Variants in CHD3 observed in about 807,000 individuals in gnomAD.
CHD3 encodes the protein ATP-dependent chromatin remodeler CHD3.
In CHD3, 52 loss-of-function variants were observed where a neutral mutation model predicts 248.9. The observed-to-expected ratio is 0.21, with a 90% CI of 0.17 to 0.26. The LOEUF (loss-of-function observed/expected upper bound fraction) is 0.26. Among genes scored for constraint, CHD3 ranks in the 10% least tolerant of loss-of-function variants. The probability of loss-of-function intolerance (pLI) is 1.00; values close to 1 mark genes in which losing one functional copy is unlikely to be tolerated. For synonymous variants in CHD3, 985 were observed against 985.2 expected (o/e 1.00, Z 0.00); for missense variants, 1,482 against 2,605.8 (o/e 0.57, Z 9.39).
Position 7,908,175 on chromosome 17 carries a change from C to T in CHD3, c.5152+156C>T, listed in dbSNP as rs941497290. On this transcript the variant is annotated intron_variant, in intron 34 of 39. Transcript: ENST00000330494. This position sits in a 1 kb window ranked among gnomAD's most constrained non-coding sequence, Gnocchi z 5.8. The stretch of plus-strand genomic sequence containing the variant: ...ACTCCGATCCTTGCTCTAAATCTTT[C>T]TTAAGTATCCCTCTTAACTCCAAAG... Among the ~76,000 whole-genome samples, 1 of 152,168 alleles carries T rather than the reference C, an allele frequency of 6.6e-6. No homozygotes were observed. The highest frequency in any genetic ancestry group is 6.5e-5 in the Admixed American group (1 of 15,280).
At position 7,900,606 on chromosome 17, in the gene CHD3, C is replaced by T. The variant is rs1292189687; in HGVS notation, c.2853C>T (p.Asp951=). The change falls in exon 18 of 40, where the codon GAC becomes GAT. Residue 951 remains aspartate, a synonymous_variant. Coordinates refer to ENST00000330494, the MANE Select transcript of CHD3 (RefSeq NM_001005273.3). This position sits in a 1 kb window ranked among gnomAD's most constrained non-coding sequence, Gnocchi z 6.5. Reference sequence around the variant, plus strand: ...AGTTTGCTGACATATCCAAAGAGGACCAGATCAAGAAACTGCATGATTTGC... The same window carrying T: ...AGTTTGCTGACATATCCAAAGAGGATCAGATCAAGAAACTGCATGATTTGC... The part of the protein sequence containing the change: ...LEEFADISKE[D]QIKKLHDLLG... 6.2e-7 allele frequency: 1 copy of T among 1,614,090 alleles called. No homozygotes were observed. The highest frequency in any genetic ancestry group is 2.2e-5 in the East Asian group (1 of 44,878).
Position 7,899,441 on chromosome 17 carries a change from G to A in CHD3, c.2442G>A (p.Val814=). Residue 814 remains valine (V), a synonymous_variant, in exon 15 of 40, where the codon GTG becomes GTA. Transcript: ENST00000330494. This position sits in a 1 kb window ranked among gnomAD's most constrained non-coding sequence, Gnocchi z 6.8. ...TGTGGGCACCCAAATTCTATGTGGT[G>A]ACATACACGGGTGACAAGGACAGCC... ...FQMWAPKFYV[V]TYTGDKDSRA... is the part of the protein sequence containing the mutation. 6.2e-7 allele frequency: 1 copy of A among 1,614,148 alleles called. No individual in the cohort carries two copies. Among genetic ancestry groups the A allele is most frequent in the Non-Finnish European group, 8.5e-7 (1 of 1,180,022 alleles).
Position 7,897,133 on chromosome 17 carries a change from C to T in CHD3, c.1758C>T (p.Asp586=). ...VMYRNYQRKN[D]MDEPPPLDYG... ...ATCGAAACTACCAGCGGAAGAATGA[C>T]ATGGATGAGCCCCCACCCCTGGACT... The change falls in exon 11 of 40, where the codon GAC becomes GAT. Residue 586 remains aspartate (D), a synonymous_variant. Coordinates refer to ENST00000330494, the MANE Select transcript of CHD3 (RefSeq NM_001005273.3). This position sits in a 1 kb window ranked among gnomAD's most constrained non-coding sequence, Gnocchi z 4.8. 1 of 1,614,150 alleles carries T rather than the reference C, an allele frequency of 6.2e-7. No individual in the cohort carries two copies. Among genetic ancestry groups the T allele is most frequent in the Non-Finnish European group, 8.5e-7 (1 of 1,180,012 alleles).
chr17:7,896,227 C>CAAAAAA (rs750972677), intron 10 of CHD3, among the ~76,000 whole-genome samples: 2 of 57,922 alleles, frequency 3.5e-5, no homozygotes, highest in African/African-American at 6.3e-5. Context: ...CACTCTATCT[C>CAAAAAA]AAAAAAAAAA....
At position 7,910,520 on chromosome 17, in the gene CHD3, C is replaced by T; in HGVS notation, c.5683C>T (p.Arg1895Cys). 1.9e-6 allele frequency: 3 copies of T among 1,613,886 alleles called. No homozygotes were observed. The highest frequency in any genetic ancestry group is 2.5e-6 in the Non-Finnish European group (3 of 1,180,040). ...TLSRIPPIAA[R>C]LQMSERSILS... The stretch of plus-strand genomic sequence containing the variant: ...GTCCCGAATACCCCCCATCGCAGCC[C>T]GCCTTCAGATGTCCGAGCGCAGCAT... Residue 1895 changes from arginine to cysteine, a missense_variant, in exon 38 of 40, where the codon CGC (arginine) becomes TGC (cysteine). Around this residue, in one of 20 missense-constraint regions of CHD3, gnomAD observed 83 missense variants for 181.0 expected, o/e 0.46. Coordinates refer to ENST00000330494, the MANE Select transcript of CHD3 (RefSeq NM_001005273.3). The surrounding 1 kb of genome is among the most constrained non-coding windows in gnomAD (Gnocchi z 4.7).
chr17:7,898,670 A>T (rs1969972765), intron 13 of CHD3, 75 bp downstream of exon 13: 1 of 1,108,948 alleles, frequency 9.0e-7, no homozygotes, highest in African/African-American at 1.6e-5. Flanking sequence ...TACTGATGGA[A>T]CTTCCCAGAG....
Position 7,903,635 on chromosome 17 carries a change from C to T in CHD3, c.3727+132C>T. 9.9e-7 allele frequency: 1 copy of T among 1,010,276 alleles called. No individual in the cohort carries two copies. The highest frequency in any genetic ancestry group is 2.7e-5 in the Admixed American group (1 of 37,120). 62.6% of individuals were successfully genotyped at this position (1,010,276 alleles called of 1,614,324 possible). A position where few individuals can be genotyped will look rare whatever the true frequency, so the allele number is the denominator to read the frequency against. ...GAAGGAGAGCCTTCTTTTAGTAGCCCTTGGAGGAAGGTTGGCCTCTTTCTT... is the reference window on the plus strand; with the variant it reads ...GAAGGAGAGCCTTCTTTTAGTAGCCTTTGGAGGAAGGTTGGCCTCTTTCTT... On this transcript the variant is annotated intron_variant, in intron 23 of 39. Transcript: ENST00000330494. The surrounding 1 kb of genome is among the most constrained non-coding windows in gnomAD (Gnocchi z 6.8).
chr17:7,894,308 C>G (rs745348749), intron 7 of CHD3, 43 bp downstream of exon 7: 1 of 1,597,346 alleles, frequency 6.3e-7, no homozygotes, highest in East Asian at 2.2e-5. Context: ...GTGGGCCGTC[C>G]TCTCATTCTT....
Position 7,899,270 on chromosome 17 carries a change from G to C in CHD3, c.2343+68G>C. On this transcript the variant is annotated intron_variant, in intron 14 of 39. Coordinates refer to ENST00000330494, the MANE Select transcript of CHD3 (RefSeq NM_001005273.3). This position sits in a 1 kb window ranked among gnomAD's most constrained non-coding sequence, Gnocchi z 6.8. The stretch of plus-strand genomic sequence containing the variant: ...GAAGTGGGGAGGGGGAAGATAAAGG[G>C]GTGTAGCTGGCAGAGGACTAGGGTA... 6.2e-7 allele frequency: 1 copy of C among 1,601,284 alleles called. No homozygotes were observed. The highest frequency in any genetic ancestry group is 8.6e-7 in the Non-Finnish European group (1 of 1,169,450).
chr17:7,889,737 G>T lies in CHD3; in HGVS notation c.174G>T (p.Lys58Asn), dbSNP rs977948154. Residue 58 changes from lysine (K) to asparagine (N), a missense_variant, in exon 2 of 40, where the codon AAG (lysine) becomes AAT (asparagine). By Grantham distance (94) the Lys-to-Asn change is moderately conservative (BLOSUM62 0). This residue lies in a region of CHD3 where 169 missense variants were observed against 168.1 expected (regional missense o/e 1.01). Transcript: ENST00000330494. The surrounding 1 kb of genome is among the most constrained non-coding windows in gnomAD (Gnocchi z 4.5). ...KKRKRGPKKQ[K>N]ENKPGKPRKR... ...GAAAACGAGGACCCAAGAAGCAGAA[G>T]GAGAACAAGCCAGGAAAACCCCGAA... The T allele has an allele frequency of 9.9e-6, 16 of 1,613,306 alleles. No homozygotes were observed. The highest frequency in any genetic ancestry group is 1.4e-5 in the Non-Finnish European group (16 of 1,179,524).
chr17:7,910,306 G>T lies in CHD3; in HGVS notation c.5591-122G>T. On this transcript the variant is annotated intron_variant, in intron 37 of 39. Coordinates refer to ENST00000330494, the MANE Select transcript of CHD3 (RefSeq NM_001005273.3). This position sits in a 1 kb window ranked among gnomAD's most constrained non-coding sequence, Gnocchi z 4.7. ...TGATCTCTGGTTCTTTGACATCTGT[G>T]TTCTCCTCTCTCGCTCTTTTTCTGC... 2 of 1,202,996 alleles carry T rather than the reference G, an allele frequency of 1.7e-6. No homozygotes were observed. The highest frequency in any genetic ancestry group is 1.5e-5 in the African/African-American group (1 of 66,816). The allele number at this position is 1,202,996 out of a possible 1,614,324, so 74.5% of individuals were successfully genotyped here.
chr17:7,903,136 C>G lies in CHD3; in HGVS notation c.3495+75C>G. 6.3e-7 allele frequency: 1 copy of G among 1,580,800 alleles called. No individual in the cohort carries two copies. The highest frequency in any genetic ancestry group is 8.6e-7 in the Non-Finnish European group (1 of 1,158,336). On this transcript the variant is annotated intron_variant, in intron 22 of 39. Transcript: ENST00000330494. The surrounding 1 kb of genome is among the most constrained non-coding windows in gnomAD (Gnocchi z 6.8). The stretch of plus-strand genomic sequence containing the variant: ...GGTTCATGGAGGAGGGTGTCATGTT[C>G]CGGGGTCAGAAATAAATCTCTTCTG...
In CHD3 at chr17:7,906,472, C is replaced by T. The variant is rs1487018397; in HGVS notation, c.4359-81C>T. The T allele has an allele frequency of 3.4e-6, 5 of 1,484,568 alleles. No individual in the cohort carries two copies. In the African/African-American group the frequency reaches 7.0e-5, roughly 21 times the overall value. 92.0% of individuals were successfully genotyped at this position (1,484,568 alleles called of 1,614,324 possible). ...GGGGATTTGGGGGTTTGGGGGTCCT[C>T]AGTCATCCTCGCGCCTCCCTCACTG... On this transcript the variant is annotated intron_variant, in intron 28 of 39. Transcript: ENST00000330494. The surrounding 1 kb of genome is among the most constrained non-coding windows in gnomAD (Gnocchi z 5.0).
rs1388400266 is a variant in CHD3, at chr17:7,910,295, T to C, written c.5591-133T>C. The C allele has an allele frequency of 9.1e-7, 1 of 1,095,780 alleles. No homozygotes were observed. The highest frequency in any genetic ancestry group is 1.4e-6 in the Non-Finnish European group (1 of 720,574). 67.9% of individuals were successfully genotyped at this position (1,095,780 alleles called of 1,614,324 possible). On this transcript the variant is annotated intron_variant, in intron 37 of 39. Transcript: ENST00000330494. The surrounding 1 kb of genome is among the most constrained non-coding windows in gnomAD (Gnocchi z 4.7). ...TTTTACTTTCTTGATCTCTGGTTCTTTGACATCTGTGTTCTCCTCTCTCGC... is the reference window on the plus strand; with the variant it reads ...TTTTACTTTCTTGATCTCTGGTTCTCTGACATCTGTGTTCTCCTCTCTCGC...
chr17:7,908,482 G>T lies in CHD3; in HGVS notation c.5233G>T (p.Asp1745Tyr). The T allele has an allele frequency of 6.2e-7, 1 of 1,613,768 alleles. No individual in the cohort carries two copies. The highest frequency in any genetic ancestry group is 1.1e-5 in the South Asian group (1 of 91,038). ...CAATGAGATCTGGCACAGAAGACAT[G>T]ACTATTGGCTTCTGGCTGGGATTGT... ...KLNEIWHRRH[D>Y]YWLLAGIVLH... is the part of the protein sequence containing the mutation. Residue 1745 changes from aspartate to tyrosine, a missense_variant, in exon 35 of 40, where the codon GAC becomes TAC. Physicochemically the swap from Asp to Tyr is radical, Grantham distance 160. Around this residue, in one of 20 missense-constraint regions of CHD3, gnomAD observed 36 missense variants for 70.4 expected, o/e 0.51. Transcript: ENST00000330494. The surrounding 1 kb of genome is among the most constrained non-coding windows in gnomAD (Gnocchi z 5.8).
chr17:7,885,307 C>CCGCCGCCGCCGCCGCCGCCGCCG (rs1967659125), upstream of CHD3: 6 of 157,218 alleles, frequency 3.8e-5, no homozygotes, highest in Non-Finnish European at 6.0e-5. Context: ...GCACCCCTCC[C>CCGCCGCCGCCGCCGCCGCCGCCG]CCGCCGCCGC....
In CHD3 at chr17:7,897,069, C is replaced by T. The variant is rs564831092; in HGVS notation, c.1708-14C>T. On this transcript the variant is annotated splice_polypyrimidine_tract_variant and intron_variant, in intron 10 of 39. Transcript: ENST00000330494. This position sits in a 1 kb window ranked among gnomAD's most constrained non-coding sequence, Gnocchi z 4.8. ...TCAGGACTATCTCTTTCCCTTTTTT[C>T]TGTGCCCTGCTAGCTGGAAATCTTC... The T allele has an allele frequency of 4.7e-5, 75 of 1,606,852 alleles. No individual in the cohort carries two copies. In the South Asian group the frequency reaches 5.7e-4, roughly 12 times the overall value.
At position 7,889,540 on chromosome 17, in the gene CHD3, G is replaced by A. The variant is rs762458927; in HGVS notation, c.101-124G>A. 22 of 732,974 alleles carry A rather than the reference G, an allele frequency of 3.0e-5. No individual in the cohort carries two copies. Among genetic ancestry groups the A allele is most frequent in the African/African-American group, 7.1e-5 (4 of 55,972 alleles). The allele number at this position is 732,974 out of a possible 1,614,324, so 45.4% of individuals were successfully genotyped here. ...TGTTTGCATCCAGTGAAGGGAGGCA[G>A]GGCTTGGAGGAGTTAATGCTTCCTA... is the stretch of plus-strand genomic sequence containing the variant. On this transcript the variant is annotated intron_variant, in intron 1 of 39. Transcript: ENST00000330494. This position sits in a 1 kb window ranked among gnomAD's most constrained non-coding sequence, Gnocchi z 4.5.
At position 7,889,225 on chromosome 17, in the gene CHD3, G is replaced by A; in HGVS notation, c.100+125G>A. 2.5e-6 allele frequency: 3 copies of A among 1,211,354 alleles called. No individual in the cohort carries two copies. The highest frequency in any genetic ancestry group is 2.3e-5 in the Admixed American group (1 of 42,922). The allele number at this position is 1,211,354 out of a possible 1,614,324, so 75.0% of individuals were successfully genotyped here. ...TCTCCCTCCCCAGCATCTGGCTTAG[G>A]GAGCTGCCAGCTTGTGTCTCCCCAC... On this transcript the variant is annotated intron_variant, in intron 1 of 39. Coordinates refer to ENST00000330494, the MANE Select transcript of CHD3 (RefSeq NM_001005273.3). The surrounding 1 kb of genome is among the most constrained non-coding windows in gnomAD (Gnocchi z 4.5).
Sources: allele counts gnomAD v4.1 joint callset (sites outside exome capture counted in the v4.1 genomes callset), GRCh38; gene constraint gnomAD v4.1.1; regional missense constraint gnomAD v4.1.1; non-coding constraint Gnocchi (gnomAD v3.1); transcripts MANE v1.5; gene names NCBI Gene and HGNC (gene_info 2026-07-23, HGNC 2026-07-21).